The following EXOC4 variants were observed in gnomAD, a reference collection of about 807,000 sequenced individuals.
EXOC4 encodes exocyst complex component 4.
EXOC4 carries 71 observed loss-of-function variants against 107.2 expected under a neutral mutation model. The observed-to-expected ratio is 0.66, with a 90% CI of 0.55 to 0.81. The LOEUF (loss-of-function observed/expected upper bound fraction) is 0.81, where lower values mean the gene tolerates loss of function less well. EXOC4 is among the 30% of genes least tolerant of loss of function. The pLI is 0.00. For missense variants in EXOC4, 1,108 were observed against 1,189.6 expected, an observed-to-expected ratio of 0.93 and a Z score of 1.01; for synonymous variants, 456 against 441.2, an observed-to-expected ratio of 1.03 and a Z score of -0.42.
intron 10 of EXOC4, among the ~76,000 whole-genome samples, chr7:133,801,747 A>C (rs772448910): frequency 2.1e-4 from 32 of 152,228 alleles, no homozygotes; most frequent in Non-Finnish European, 4.3e-4. Context: ...AAGTCTTAGA[A>C]AAATCTCAGA....
At chr7:133,943,068 C>G (rs1485361820) in intron 14 of EXOC4, among the ~76,000 whole-genome samples, 1 of 152,246 alleles carries the variant, frequency 6.6e-6, no homozygotes, top group East Asian at 1.9e-4. Context: ...AATGTAGTTC[C>G]TCTGTCATAC....
intron 7 of EXOC4, among the ~76,000 whole-genome samples, chr7:133,464,428 G>A (rs1389466334): frequency 1.3e-5 from 2 of 152,168 alleles, no homozygotes; most frequent in African/African-American, 4.8e-5. Context: ...TCTAAGGCAG[G>A]CACATGAATT....
chr7:133,843,666 T>C (rs1798065801), intron 11 of EXOC4, among the ~76,000 whole-genome samples: 1 of 152,102 alleles, frequency 6.6e-6, no homozygotes, highest in African/African-American at 2.4e-5. Context: ...TTTTTTTTTG[T>C]CTGATTGCTG....
At chr7:133,933,033 G>A (rs1343724264) in intron 13 of EXOC4, among the ~76,000 whole-genome samples, 2 of 142,646 alleles carry the variant, frequency 1.4e-5, no homozygotes, top group African/African-American at 5.6e-5. Context: ...CATCAGGTCT[G>A]CTGAAAGCGC....
chr7:133,771,371 A>G (rs940463487), intron 10 of EXOC4: 1 of 151,944 alleles, frequency 6.6e-6, no homozygotes, highest in Non-Finnish European at 1.5e-5. Flanking sequence ...GAATTGAAGG[A>G]CATTGCTTAC....
At chr7:133,939,420 G>T (rs944453656) in intron 14 of EXOC4, among the ~76,000 whole-genome samples, 11 of 152,196 alleles carry the variant, frequency 7.2e-5, no homozygotes, top group African/African-American at 2.7e-4. Flanking sequence ...TGCAGGGTGG[G>T]AAGAAGGGAC....
At chr7:133,404,870 CG>C (rs1214688389) in intron 7 of EXOC4, among the ~76,000 whole-genome samples, 5 of 71,564 alleles carry the variant, frequency 7.0e-5, no homozygotes, top group Admixed American at 1.9e-4. Flanking sequence ...CCACCCCCTG[CG>C]CCCCCCCCCC....
the EXOC4 span, among the ~76,000 whole-genome samples, chr7:134,084,259 T>A: frequency 6.6e-6 from 1 of 152,196 alleles, no homozygotes. Context: ...TAGTTATAAT[T>A]CCTGAATATT....
chr7:133,393,669 G>A (rs1054189947), intron 7 of EXOC4, among the ~76,000 whole-genome samples: 3 of 152,152 alleles, frequency 2.0e-5, no homozygotes, highest in Non-Finnish European at 2.9e-5. Flanking sequence ...GTTCTGCCAC[G>A]TGGGGTTACA....
intron 10 of EXOC4, among the ~76,000 whole-genome samples, chr7:133,660,256 G>A (rs1380248053): frequency 6.6e-6 from 1 of 151,050 alleles, no homozygotes. Flanking sequence ...AGTGTGGCTT[G>A]ATCAATAGAC....
At chr7:133,722,749 G>C (rs1369697063) in intron 10 of EXOC4, among the ~76,000 whole-genome samples, 4 of 152,106 alleles carry the variant, frequency 2.6e-5, no homozygotes, top group Admixed American at 6.5e-5. Flanking sequence ...AATGCAAAGT[G>C]GTGTATAATA....
intron 5 of EXOC4, among the ~76,000 whole-genome samples, chr7:133,343,322 T>G (rs765617027): frequency 3.5e-4 from 53 of 152,262 alleles, no homozygotes; most frequent in Non-Finnish European, 7.5e-4. Flanking sequence ...GCAGAGCTAC[T>G]AGGCTATGGG....
At chr7:133,393,409 T>A (rs367666795) in intron 7 of EXOC4, among the ~76,000 whole-genome samples, 3 of 152,182 alleles carry the variant, frequency 2.0e-5, no homozygotes, top group African/African-American at 7.2e-5. Context: ...TTTGGCAGTA[T>A]GCACTTAATA....
At chr7:133,991,047 T>G (rs1001959011) in intron 14 of EXOC4, among the ~76,000 whole-genome samples, 1 of 152,200 alleles carries the variant, frequency 6.6e-6, no homozygotes, top group Non-Finnish European at 1.5e-5. Flanking sequence ...CCACCAACAA[T>G]GTATGAGCAT....
At chr7:133,567,165 T>A (rs1166538252) in intron 9 of EXOC4, among the ~76,000 whole-genome samples, 1 of 152,162 alleles carries the variant, frequency 6.6e-6, no homozygotes, top group African/African-American at 2.4e-5. Flanking sequence ...TCCTCTCCAA[T>A]AGATACCCTG....
At chr7:133,395,438 T>C (rs183542003) in intron 7 of EXOC4, among the ~76,000 whole-genome samples, 2 of 152,262 alleles carry the variant, frequency 1.3e-5, no homozygotes, top group East Asian at 3.9e-4. Context: ...GGGAAAATTC[T>C]TGTATTTTAT....
chr7:133,326,134 T>C (rs1795234785), intron 5 of EXOC4, among the ~76,000 whole-genome samples: 1 of 152,200 alleles, frequency 6.6e-6, no homozygotes, highest in African/African-American at 2.4e-5. Context: ...TTAAGGTTTT[T>C]AACTTCTTTG....
intron 12 of EXOC4, among the ~76,000 whole-genome samples, chr7:133,912,678 C>T (rs1799721812): frequency 6.6e-6 from 1 of 151,714 alleles, no homozygotes; most frequent in African/African-American, 2.4e-5. Flanking sequence ...TTGTGGTAGG[C>T]ACTAGGGACA....
At chr7:133,948,359 A>C (rs1391106718) in intron 14 of EXOC4, among the ~76,000 whole-genome samples, 1 of 152,178 alleles carries the variant, frequency 6.6e-6, no homozygotes, top group Non-Finnish European at 1.5e-5. Flanking sequence ...GATCTACAAA[A>C]TGCAGTGGGT....
Sources: gnomAD v4.1 joint callset for allele counts (sites outside exome capture counted in the v4.1 genomes callset) on GRCh38, gnomAD v4.1.1 for gene constraint, MANE v1.5 for transcripts, NCBI Gene and HGNC (gene_info 2026-07-23, HGNC 2026-07-21) for gene names.